Variants in SNTG2 observed in about 807,000 individuals in gnomAD.
SNTG2 encodes the protein gamma-2-syntrophin.
A neutral mutation model predicts 70.9 loss-of-function variants in SNTG2; 74 were observed. That is an observed-to-expected ratio of 1.04 (90% CI 0.86 to 1.27). The LOEUF (loss-of-function observed/expected upper bound fraction) is 1.27, where lower values mean the gene tolerates loss of function less well. Ranked by LOEUF, SNTG2 falls within the 50% of genes most tolerant of loss-of-function variation. The pLI, the probability that SNTG2 is intolerant of heterozygous loss-of-function variation, is 0.00. For missense variants in SNTG2, 717 were observed against 690.7 expected (o/e 1.04, Z -0.43); for synonymous variants, 278 against 273.8 (o/e 1.02, Z -0.15).
chr2:967,553 C>T (rs769999481), intron 1 of SNTG2, among the ~76,000 whole-genome samples: 11 of 152,086 alleles, frequency 7.2e-5, no homozygotes, highest in Non-Finnish European at 1.6e-4. Flanking sequence ...AGAGATAAAT[C>T]CCCTTTGGTC....
intron 1 of SNTG2, among the ~76,000 whole-genome samples, chr2:1,015,281 C>T (rs1659854254): frequency 6.6e-6 from 1 of 151,966 alleles, no homozygotes; most frequent in African/African-American, 2.4e-5. Context: ...TAGTTAAAGG[C>T]TTGATAGAAG....
At chr2:1,120,356 CCAA>C (rs1319357529) in intron 4 of SNTG2, among the ~76,000 whole-genome samples, 3 of 151,970 alleles carry the variant, frequency 2.0e-5, no homozygotes, top group Non-Finnish European at 2.9e-5. Flanking sequence ...TTGAATATTA[CCAA>C]CAACAAGAAA....
At chr2:1,111,683 T>C (rs1456011520) in intron 4 of SNTG2, among the ~76,000 whole-genome samples, 2 of 152,260 alleles carry the variant, frequency 1.3e-5, no homozygotes, top group East Asian at 3.8e-4. Flanking sequence ...GAATTTAGAT[T>C]TCCCTGTTAT....
intron 14 of SNTG2, among the ~76,000 whole-genome samples, chr2:1,270,877 C>CT (rs1678983599): frequency 2.0e-5 from 3 of 152,314 alleles, no homozygotes; most frequent in Admixed American, 6.5e-5. Flanking sequence ...ACTGATTTTT[C>CT]TTTACTAATT....
chr2:1,259,332 C>T (rs1350219014), intron 12 of SNTG2, 38 bp from the exon 13 acceptor site: 4 of 1,604,032 alleles, frequency 2.5e-6, no homozygotes, highest in African/African-American at 1.3e-5. Context: ...CTAAAAGTAG[C>T]ATGCTGCTTT....
chr2:984,278 A>G (rs1279281554), intron 1 of SNTG2, among the ~76,000 whole-genome samples: 1 of 144,810 alleles, frequency 6.9e-6, no homozygotes, highest in Non-Finnish European at 1.5e-5. Flanking sequence ...TTTTTTTTTA[A>G]TAGCACACTT....
intron 10 of SNTG2, among the ~76,000 whole-genome samples, chr2:1,238,633 G>A (rs948305348): frequency 6.6e-6 from 1 of 152,234 alleles, no homozygotes; most frequent in African/African-American, 2.4e-5. Context: ...AGTGATGGGT[G>A]CCTGGACTCG....
chr2:1,000,856 A>G (rs1659357083), intron 1 of SNTG2, among the ~76,000 whole-genome samples: 1 of 152,024 alleles, frequency 6.6e-6, no homozygotes, highest in Non-Finnish European at 1.5e-5. Context: ...ACATAGATGC[A>G]AAATCCTCAA....
intron 16 of SNTG2, among the ~76,000 whole-genome samples, chr2:1,326,755 A>C (rs1377144694): frequency 6.6e-6 from 1 of 152,226 alleles, no homozygotes; most frequent in African/African-American, 2.4e-5. Flanking sequence ...AAAATCTTAT[A>C]AACGAATCCA....
intron 9 of SNTG2, among the ~76,000 whole-genome samples, chr2:1,233,027 T>C (rs1182298609): frequency 6.6e-6 from 1 of 152,226 alleles, no homozygotes; most frequent in Non-Finnish European, 1.5e-5. Flanking sequence ...AGTGACAGGC[T>C]GTGGTTGTAA....
chr2:1,275,588 C>T (rs1679234033), intron 14 of SNTG2, among the ~76,000 whole-genome samples: 1 of 152,188 alleles, frequency 6.6e-6, no homozygotes, highest in African/African-American at 2.4e-5. Flanking sequence ...CTCCACTGAC[C>T]AGTCGTTTTC....
At chr2:1,095,049 G>A (rs1209840141) in intron 2 of SNTG2, among the ~76,000 whole-genome samples, 2 of 151,882 alleles carry the variant, frequency 1.3e-5, no homozygotes, top group East Asian at 1.9e-4. Context: ...TAGAGACAGC[G>A]AGGTGGGGGT....
chr2:1,113,125 T>C (rs4971456), intron 4 of SNTG2, among the ~76,000 whole-genome samples: 29 of 1,722 alleles, frequency 0.017, 1 homozygote, highest in South Asian at 0.088. Context: ...CTAAGTGAGG[T>C]TTAACCCTTA....
intron 16 of SNTG2, among the ~76,000 whole-genome samples, chr2:1,318,605 C>A (rs1300388071): frequency 6.6e-6 from 1 of 152,236 alleles, no homozygotes; most frequent in African/African-American, 2.4e-5. Flanking sequence ...CTGCCCTGAG[C>A]CGCATCCTGG....
At chr2:1,356,437 AGACT>A (rs1335936157) in intron 16 of SNTG2, among the ~76,000 whole-genome samples, 1 of 152,186 alleles carries the variant, frequency 6.6e-6, no homozygotes, top group East Asian at 1.9e-4. Flanking sequence ...ATTTATTGAG[AGACT>A]GACCTTTCCC....
At chr2:1,144,781 G>A (rs534662979) in intron 6 of SNTG2, among the ~76,000 whole-genome samples, 2 of 152,244 alleles carry the variant, frequency 1.3e-5, no homozygotes, top group East Asian at 3.9e-4. Flanking sequence ...CCTCCCACCA[G>A]GTCCCTCCCG....
intron 1 of SNTG2, among the ~76,000 whole-genome samples, chr2:986,107 G>T (rs1023602718): frequency 6.5e-4 from 94 of 144,174 alleles, no homozygotes; most frequent in Non-Finnish European, 2.7e-4. Context: ...GAGAGAGAGA[G>T]AGATCAGAGG....
rs557299440 is a variant in SNTG2, at chr2:1,329,091, T to C, written c.1488+12716T>C. 4.9e-4 allele frequency among the ~76,000 whole-genome samples: 74 copies of C among 152,324 alleles called. No homozygotes were observed. In the South Asian group the frequency reaches 0.015, roughly 31 times the overall value. Reference sequence around the variant, plus strand: ...AATTAGCAAACATTCCTGGTTTTTTTTTCTTTTTTCTTTTTGGAATTTACA... The same window carrying C: ...AATTAGCAAACATTCCTGGTTTTTTCTTCTTTTTTCTTTTTGGAATTTACA... On this transcript the variant is annotated intron_variant, in intron 16 of 16. Coordinates refer to ENST00000308624, the MANE Select transcript of SNTG2 (RefSeq NM_018968.4).
intron 14 of SNTG2, among the ~76,000 whole-genome samples, chr2:1,272,870 G>A (rs1679110279): frequency 6.6e-6 from 1 of 152,174 alleles, no homozygotes; most frequent in Admixed American, 6.5e-5. Context: ...AGAAGGTGCA[G>A]AACTGGAGGA....
Sources: gnomAD v4.1 joint callset for allele counts (sites outside exome capture counted in the v4.1 genomes callset) on GRCh38, gnomAD v4.1.1 for gene constraint, MANE v1.5 for transcripts, NCBI Gene and HGNC (gene_info 2026-07-23, HGNC 2026-07-21) for gene names.